KCNH5: variants seen among roughly 807,000 people sequenced by gnomAD.
KCNH5 encodes the protein voltage-gated delayed rectifier potassium channel KCNH5.
Under a neutral mutation model 96.1 loss-of-function variants are expected in KCNH5, and 46 were observed. The observed-to-expected ratio is 0.48, with a 90% CI of 0.38 to 0.61. The LOEUF is 0.61. KCNH5 is among the 20% of genes least tolerant of loss of function. KCNH5 has a pLI of 0.00. For missense variants in KCNH5, 907 were observed against 1,225.8 expected (o/e 0.74, Z 3.88); for synonymous variants, 439 against 449.8 (o/e 0.98, Z 0.30).
chr14:62,748,160 AAGGACAGCTACTCCATAGACAG>A (rs1469975005), intron 10 of KCNH5, among the ~76,000 whole-genome samples: 1 of 152,150 alleles, frequency 6.6e-6, no homozygotes, highest in East Asian at 1.9e-4. Context: ...AAAGTGGTGA[AAGGACAGCTACTCCATAGACAG>A]AGTAGGACGT....
chr14:62,829,789 G>A (rs1887305228), intron 8 of KCNH5, among the ~76,000 whole-genome samples: 1 of 152,142 alleles, frequency 6.6e-6, no homozygotes. Flanking sequence ...CTTTACTTAT[G>A]CAAATGTATG....
At chr14:62,834,296 T>C (rs181931898) in intron 8 of KCNH5, among the ~76,000 whole-genome samples, 1 of 152,126 alleles carries the variant, frequency 6.6e-6, no homozygotes, top group African/African-American at 2.4e-5. Context: ...ATGGCCTTAT[T>C]AATGGCTCCA....
At position 62,950,367 on chromosome 14, in the gene KCNH5, C is replaced by T. The variant is rs752177614; in HGVS notation, c.1135G>A (p.Val379Ile). 2.5e-6 allele frequency: 4 copies of T among 1,613,934 alleles called. No individual in the cohort carries two copies. Residue 379 changes from valine (V) to isoleucine (I), a missense_variant, in exon 7 of 11, where the codon GTC (valine) becomes ATC (isoleucine). Physicochemically the swap from Val to Ile is conservative, Grantham distance 29. This residue lies in a region of KCNH5 where 370 missense variants were observed against 561.3 expected (regional missense o/e 0.66). Coordinates refer to ENST00000322893, the MANE Select transcript of KCNH5 (RefSeq NM_139318.5). ...SIGDYEVIDE[V>I]TNTIQIDSWL... is the part of the protein sequence containing the mutation. ...CTGTCTATTTGGATGGTGTTAGTGA[C>T]TTCATCAATGACCTCGTAGTCTCCG...
chr14:62,863,141 C>T (rs910341278), intron 7 of KCNH5, among the ~76,000 whole-genome samples: 3 of 152,104 alleles, frequency 2.0e-5, no homozygotes, highest in African/African-American at 4.8e-5. Flanking sequence ...TAGTCTTTAA[C>T]GTGTGTTGAC....
rs1884364301 is a variant in KCNH5 at position 62,702,549 on chromosome 14, G to A, written c.*4959C>T. On this transcript the variant is annotated 3_prime_UTR_variant, in exon 11 of 11. Coordinates refer to ENST00000322893, the MANE Select transcript of KCNH5 (RefSeq NM_139318.5). ...AGTTCCTTAACCTATACCTTCATGG[G>A]GTTGCTGCAAGAATTAAATTTGATA... is the stretch of plus-strand genomic sequence containing the variant. The A allele has an allele frequency of 6.6e-6, 1 of 151,764 alleles. No homozygotes were observed. Among genetic ancestry groups the A allele is most frequent in the African/African-American group, 2.4e-5 (1 of 41,346 alleles). 9.4% of individuals were successfully genotyped at this position (151,764 alleles called of 1,614,324 possible). A position where few individuals can be genotyped will look rare whatever the true frequency, so the allele number is the denominator to read the frequency against.
chr14:62,751,537 G>A (rs890012505), intron 10 of KCNH5, among the ~76,000 whole-genome samples: 2 of 152,148 alleles, frequency 1.3e-5, no homozygotes, highest in African/African-American at 2.4e-5. Context: ...TCTAAGCACT[G>A]GGCAATCCCT....
At chr14:63,027,479 G>GAA (rs11399195) in intron 1 of KCNH5, among the ~76,000 whole-genome samples, 50 of 126,522 alleles carry the variant, frequency 4.0e-4, no homozygotes, top group Middle Eastern at 8.7e-3. Flanking sequence ...AAGTTGGTTT[G>GAA]AAAAAAAAAA....
chr14:62,799,691 TTATATA>T (rs71410693), intron 9 of KCNH5, among the ~76,000 whole-genome samples: 1,726 of 58,004 alleles, frequency 0.03, 53 homozygotes, highest in African/African-American at 0.064. Context: ...GTATATACCT[TTATATA>T]TATATATATA....
At chr14:63,004,753 T>C (rs1891094826) in intron 3 of KCNH5, among the ~76,000 whole-genome samples, 1 of 152,136 alleles carries the variant, frequency 6.6e-6, no homozygotes, top group Non-Finnish European at 1.5e-5. Context: ...TATAGGCATG[T>C]GCCTCCATGC....
At chr14:62,949,785 C>T in intron 7 of KCNH5, 1 of 213,210 alleles carries the variant, frequency 4.7e-6, no homozygotes, top group Non-Finnish European at 9.4e-6. Flanking sequence ...ATATATTTCA[C>T]ATCAGATCCT....
intron 6 of KCNH5, among the ~76,000 whole-genome samples, chr14:62,956,175 T>C (rs1890100574): frequency 6.6e-6 from 1 of 152,174 alleles, no homozygotes; most frequent in Admixed American, 6.6e-5. Context: ...TCTATGCCTC[T>C]GCATAGCCCT....
At chr14:62,886,121 G>GACACACAC (rs58900799) in intron 7 of KCNH5, among the ~76,000 whole-genome samples, 3,205 of 147,848 alleles carry the variant, frequency 0.022, 50 homozygotes, top group East Asian at 0.077. Flanking sequence ...ACCTGCAGAG[G>GACACACAC]ACACACACAC....
chr14:62,911,407 T>G (rs568931283), intron 7 of KCNH5, among the ~76,000 whole-genome samples: 23 of 151,738 alleles, frequency 1.5e-4, no homozygotes, highest in Non-Finnish European at 2.9e-4. Context: ...GCCTCCCGAG[T>G]AGCTGGGAAA....
intron 8 of KCNH5, among the ~76,000 whole-genome samples, chr14:62,841,338 G>A (rs1404346373): frequency 6.6e-6 from 1 of 152,104 alleles, no homozygotes; most frequent in African/African-American, 2.4e-5. Context: ...AAAAATAAGT[G>A]TATCAATAGC....
intron 9 of KCNH5, among the ~76,000 whole-genome samples, chr14:62,786,969 A>G (rs961762910): frequency 6.6e-6 from 1 of 152,134 alleles, no homozygotes; most frequent in African/African-American, 2.4e-5. Flanking sequence ...AGACACAATA[A>G]TATCGAAATT....
In KCNH5 at chr14:62,981,109, A is replaced by G; in HGVS notation, c.705T>C (p.Asn235=). ...TGTTCTGCTTTGTTTTGAAGGAAACATTATAAGGAACCATAATGGCGGTGT... is the reference window on the plus strand; with the variant it reads ...TGTTCTGCTTTGTTTTGAAGGAAACGTTATAAGGAACCATAATGGCGGTGT... The part of the protein sequence containing the change: ...TFYTAIMVPY[N]VSFKTKQNNI... Residue 235 remains asparagine (N), a synonymous_variant, in exon 6 of 11, where the codon AAT becomes AAC. Coordinates refer to ENST00000322893, the MANE Select transcript of KCNH5 (RefSeq NM_139318.5). The G allele has an allele frequency of 2.5e-6, 4 of 1,614,232 alleles. No homozygotes were observed. The East Asian group carries it at 8.9e-5, about 36-fold the overall frequency.
intron 8 of KCNH5, among the ~76,000 whole-genome samples, chr14:62,807,920 C>G (rs1886800608): frequency 6.6e-6 from 1 of 152,108 alleles, no homozygotes; most frequent in African/African-American, 2.4e-5. Context: ...ATAACTCTTA[C>G]TGTACAACTT....
At position 62,829,974 on chromosome 14, in the gene KCNH5, G is replaced by A. The variant is rs112598041; in HGVS notation, c.1569+19679C>T. 4.6e-3 allele frequency among the ~76,000 whole-genome samples: 698 copies of A among 152,224 alleles called. 2 individuals carry two copies. Among genetic ancestry groups the A allele is most frequent in the African/African-American group, 0.016 (659 of 41,544 alleles). ...ATACTTTCAGAAAAAGTCAGGTCAC[G>A]TCTTGAATGCTTTGCTGCTTAGAAA... On this transcript the variant is annotated intron_variant, in intron 8 of 10. Coordinates refer to ENST00000322893, the MANE Select transcript of KCNH5 (RefSeq NM_139318.5).
At chr14:62,736,964 C>CT (rs556058636) in intron 10 of KCNH5, among the ~76,000 whole-genome samples, 1 of 152,226 alleles carries the variant, frequency 6.6e-6, no homozygotes, top group South Asian at 2.1e-4. Context: ...GCCAAGAAAA[C>CT]TTTTTTCTCT....
Sources: allele counts gnomAD v4.1 joint callset (sites outside exome capture counted in the v4.1 genomes callset), GRCh38; gene constraint gnomAD v4.1.1; regional missense constraint gnomAD v4.1.1; transcripts MANE v1.5; gene names NCBI Gene and HGNC (gene_info 2026-07-23, HGNC 2026-07-21).